PRKG1: variants seen among roughly 807,000 people sequenced by gnomAD.
PRKG1 encodes the protein protein kinase cGMP-dependent 1.
In PRKG1, 35 loss-of-function variants were observed where a neutral mutation model predicts 88.1. That is an observed-to-expected ratio of 0.40 (90% CI 0.30 to 0.53). The LOEUF is 0.53. Ranked by LOEUF, PRKG1 falls within the 20% of genes least tolerant of loss-of-function variation. The pLI, the probability that PRKG1 is intolerant of heterozygous loss-of-function variation, is 0.59. For synonymous variants in PRKG1, 303 were observed against 292.5 expected, an observed-to-expected ratio of 1.04 and a Z score of -0.37; for missense variants, 540 against 839.8, an observed-to-expected ratio of 0.64 and a Z score of 4.41.
At chr10:51,917,075 C>A (rs570884016) in intron 5 of PRKG1, among the ~76,000 whole-genome samples, 6 of 151,950 alleles carry the variant, frequency 3.9e-5, no homozygotes, top group African/African-American at 1.4e-4. Flanking sequence ...CCCAGCACTT[C>A]GGGAGGCTGA....
At chr10:51,807,596 G>A (rs186184206) in intron 4 of PRKG1, among the ~76,000 whole-genome samples, 11 of 152,164 alleles carry the variant, frequency 7.2e-5, no homozygotes, top group Non-Finnish European at 1.3e-4. Flanking sequence ...AATGAAAAGA[G>A]AGTGCTCTAA....
chr10:51,277,575 T>A (rs1288627898), intron 2 of PRKG1, among the ~76,000 whole-genome samples: 2 of 152,244 alleles, frequency 1.3e-5, no homozygotes, highest in African/African-American at 4.8e-5. Flanking sequence ...TTCACAATAT[T>A]GATTCTTCCT....
intron 4 of PRKG1, among the ~76,000 whole-genome samples, chr10:51,892,766 G>A (rs1359245595): frequency 6.6e-6 from 1 of 152,164 alleles, no homozygotes; most frequent in Non-Finnish European, 1.5e-5. Flanking sequence ...TTGAAGATGT[G>A]TGCTGTCCCA....
At chr10:51,837,960 G>A (rs1184928558) in intron 4 of PRKG1, among the ~76,000 whole-genome samples, 4 of 152,008 alleles carry the variant, frequency 2.6e-5, no homozygotes, top group East Asian at 1.9e-4. Flanking sequence ...TCCATTGTTC[G>A]TCAAGGATGA....
intron 5 of PRKG1, among the ~76,000 whole-genome samples, chr10:51,984,681 ACT>A (rs1197714450): frequency 1.3e-5 from 2 of 152,058 alleles, no homozygotes; most frequent in Non-Finnish European, 2.9e-5. Context: ...CTACAATGTA[ACT>A]CTCAGTGGTA....
At chr10:52,268,157 T>C (rs147540862) in intron 10 of PRKG1, among the ~76,000 whole-genome samples, 1 of 152,176 alleles carries the variant, frequency 6.6e-6, no homozygotes, top group African/African-American at 2.4e-5. Flanking sequence ...TGAGATCTTG[T>C]ATAGAGTCCA....
At chr10:51,627,527 C>A (rs1459465161) in intron 3 of PRKG1, among the ~76,000 whole-genome samples, 2 of 152,070 alleles carry the variant, frequency 1.3e-5, no homozygotes, top group Admixed American at 6.5e-5. Context: ...TAGATGTATG[C>A]TTCTTGTTAA....
chr10:51,721,416 T>G (rs1187310804), intron 3 of PRKG1, among the ~76,000 whole-genome samples: 1 of 152,074 alleles, frequency 6.6e-6, no homozygotes, highest in African/African-American at 2.4e-5. Flanking sequence ...AACCCAGAAG[T>G]AGATTTTGGA....
intron 1 of PRKG1, among the ~76,000 whole-genome samples, chr10:51,113,729 A>T (rs1216071758): frequency 1.2e-4 from 1 of 8,504 alleles, no homozygotes. Context: ...CATTCTATTT[A>T]AAAAAAAAAA....
intron 1 of PRKG1, among the ~76,000 whole-genome samples, chr10:51,040,273 A>C (rs1205237893): frequency 1.6e-4 from 5 of 31,618 alleles, no homozygotes; most frequent in Admixed American, 2.7e-4. Flanking sequence ...TGTGTGTGTG[A>C]CCTCTTTAAT....
intron 2 of PRKG1, among the ~76,000 whole-genome samples, chr10:51,464,764 G>T (rs1034392149): frequency 6.7e-6 from 1 of 149,912 alleles, no homozygotes; most frequent in South Asian, 2.1e-4. Context: ...AGTGGCGGGC[G>T]CCTGTAGTCC....
intron 9 of PRKG1, among the ~76,000 whole-genome samples, chr10:52,164,218 G>A (rs1317946755): frequency 6.6e-6 from 1 of 151,996 alleles, no homozygotes; most frequent in African/African-American, 2.4e-5. Context: ...AGGCGTGGTG[G>A]TGGGCACCTG....
intron 1 of PRKG1, among the ~76,000 whole-genome samples, chr10:51,097,729 G>T (rs1017766281): frequency 6.6e-6 from 1 of 152,216 alleles, no homozygotes; most frequent in South Asian, 2.1e-4. Context: ...TTTTAATGCA[G>T]ATTACCCTCC....
At chr10:51,871,587 T>A (rs1436052297) in intron 4 of PRKG1, among the ~76,000 whole-genome samples, 3 of 152,204 alleles carry the variant, frequency 2.0e-5, no homozygotes, top group Admixed American at 6.5e-5. Context: ...GGGAGAATCA[T>A]CAGGAAAGAT....
At chr10:51,459,166 C>T (rs10508940) in intron 2 of PRKG1, among the ~76,000 whole-genome samples, 28,088 of 151,928 alleles carry the variant, frequency 0.18, 3,110 homozygotes, top group East Asian at 0.54. Context: ...TATTCTTTGA[C>T]GTACCTAAGC....
chr10:51,447,088 A>G (rs903992101), intron 2 of PRKG1, among the ~76,000 whole-genome samples: 3 of 152,048 alleles, frequency 2.0e-5, no homozygotes, highest in African/African-American at 7.2e-5. Context: ...TAATACCGCC[A>G]ATTGAGTCTG....
At chr10:51,015,084 C>T (rs1439086086) in intron 1 of PRKG1, among the ~76,000 whole-genome samples, 2 of 152,126 alleles carry the variant, frequency 1.3e-5, no homozygotes, top group Non-Finnish European at 2.9e-5. Context: ...AAAACCACAC[C>T]CATATTTCTA....
chr10:52,083,054 A>C (rs1376493825), intron 7 of PRKG1, among the ~76,000 whole-genome samples: 4 of 152,110 alleles, frequency 2.6e-5, no homozygotes, highest in African/African-American at 7.2e-5. Flanking sequence ...GGGATATGGA[A>C]GAAAAGATTG....
intron 3 of PRKG1, among the ~76,000 whole-genome samples, chr10:51,591,305 A>G (rs746400889): frequency 2.0e-5 from 3 of 152,150 alleles, no homozygotes; most frequent in Non-Finnish European, 4.4e-5. Flanking sequence ...TAGCTATTTG[A>G]TCTCTATTCA....
Sources: allele counts gnomAD v4.1 joint callset (sites outside exome capture counted in the v4.1 genomes callset), GRCh38; gene constraint gnomAD v4.1.1; transcripts MANE v1.5; gene names NCBI Gene and HGNC (gene_info 2026-07-23, HGNC 2026-07-21).